The following DOCK10 variants were observed in gnomAD, a reference collection of about 807,000 sequenced individuals.
The protein encoded by DOCK10 is dedicator of cytokinesis protein 10.
In DOCK10, 145 loss-of-function variants were observed where a neutral mutation model predicts 280.1. The ratio of observed to expected loss-of-function variants is 0.52; its 90% CI spans 0.45 to 0.59. DOCK10 has a LOEUF of 0.59. DOCK10 is among the 20% of genes least tolerant of loss of function. The pLI is 0.00. For synonymous variants in DOCK10, 915 were observed against 942.2 expected, an observed-to-expected ratio of 0.97 and a Z score of 0.53; for missense variants, 2,368 against 2,651.7, an observed-to-expected ratio of 0.89 and a Z score of 2.35.
Position 224,844,829 on chromosome 2 carries a change from C to T in DOCK10, c.2492G>A (p.Ser831Asn). The T allele has an allele frequency of 6.2e-7, 1 of 1,606,700 alleles. No individual in the cohort carries two copies. Among genetic ancestry groups the T allele is most frequent in the South Asian group, 1.1e-5 (1 of 89,430 alleles). The change falls in exon 22 of 56, where the codon AGT becomes AAT. Residue 831 changes from serine to asparagine, a missense_variant. This residue lies in a region of DOCK10 where 1,209 missense variants were observed against 1,250.9 expected (regional missense o/e 0.97). Coordinates refer to ENST00000258390, the MANE Select transcript of DOCK10 (RefSeq NM_014689.3). Reference sequence around the variant, plus strand: ...GCCACCATCAACCCATTTAATGTCACTCCCACCATGCTGCAAAATAAAGTT... The same window carrying T: ...GCCACCATCAACCCATTTAATGTCATTCCCACCATGCTGCAAAATAAAGTT... ...QDSASGKHGG[S>N]DIKWVDGGKP...
chr2:224,845,255 G>A lies in DOCK10; in HGVS notation c.2429C>T (p.Ala810Val). 1 of 1,586,796 alleles carries A rather than the reference G, an allele frequency of 6.3e-7. No homozygotes were observed. The highest frequency in any genetic ancestry group is 8.6e-7 in the Non-Finnish European group (1 of 1,164,858). Reference sequence around the variant, plus strand: ...TAAATAATTAGGAGGCAGACTTGTTGCTATTGGGATGTTGTACTCTTGAGA... The same window carrying A: ...TAAATAATTAGGAGGCAGACTTGTTACTATTGGGATGTTGTACTCTTGAGA... ...IASQEYNIPI[A>V]TSLPPNYLSF... Residue 810 changes from alanine (A) to valine (V), a missense_variant, in exon 21 of 56, where the codon GCA (alanine) becomes GTA (valine). Ala to Val is a moderately conservative substitution (Grantham distance 64). Coordinates refer to ENST00000258390, the MANE Select transcript of DOCK10 (RefSeq NM_014689.3).
chr2:224,849,206 C>T (rs1030780004), intron 19 of DOCK10, among the ~76,000 whole-genome samples: 1 of 152,184 alleles, frequency 6.6e-6, no homozygotes, highest in African/African-American at 2.4e-5. Context: ...GATCTCCTGA[C>T]CTTGTGATCC....
At chr2:224,963,996 CTTTTT>C (rs66476455) in intron 1 of DOCK10, among the ~76,000 whole-genome samples, 1 of 122,788 alleles carries the variant, frequency 8.1e-6, no homozygotes, top group African/African-American at 3.0e-5. Flanking sequence ...GTCTAAAATT[CTTTTT>C]TTTTTTTTTT....
chr2:224,966,652 A>AG (rs1167342557), intron 1 of DOCK10, among the ~76,000 whole-genome samples: 5 of 152,192 alleles, frequency 3.3e-5, no homozygotes, highest in Non-Finnish European at 5.9e-5. Flanking sequence ...CTCAGTTGTT[A>AG]TCACACAGCA....
intron 45 of DOCK10, among the ~76,000 whole-genome samples, 176 bp downstream of exon 45, chr2:224,794,703 G>A (rs768093202): frequency 2.6e-4 from 39 of 152,082 alleles, no homozygotes; most frequent in African/African-American, 8.7e-4. Context: ...TTTACTTAGC[G>A]TTAGGTATCC....
chr2:224,811,856 G>A (rs1251086193), intron 31 of DOCK10, among the ~76,000 whole-genome samples: 1 of 151,672 alleles, frequency 6.6e-6, no homozygotes, highest in Admixed American at 6.6e-5. Context: ...TCTCTGTTTT[G>A]GTACCAGTAC....
chr2:225,005,384 A>C (rs1311469023), intron 1 of DOCK10, among the ~76,000 whole-genome samples: 2 of 152,238 alleles, frequency 1.3e-5, no homozygotes, highest in African/African-American at 2.4e-5. Context: ...AAATATGTAC[A>C]GTTTTTGTAA....
rs62188026 is a variant in DOCK10 at position 225,018,204 on chromosome 2, A to T, written c.123+24048T>A. Among the ~76,000 whole-genome samples the T allele has an allele frequency of 5.7e-3, 873 of 152,236 alleles. 3 individuals are homozygous for T. The highest frequency in any genetic ancestry group is 7.9e-3 in the Non-Finnish European group (535 of 68,014). ...AAGCTTTATTATCAACCATGTCTGT[A>T]GTCTCCTGTATTCTACTCTGTGTAT... On this transcript the variant is annotated intron_variant, in intron 1 of 55. Transcript: ENST00000258390.
chr2:224,889,169 T>C (rs1290409774), intron 4 of DOCK10, among the ~76,000 whole-genome samples: 3 of 152,254 alleles, frequency 2.0e-5, no homozygotes, highest in African/African-American at 4.8e-5. Context: ...GGTATTCACA[T>C]CAGAAATTAT....
intron 27 of DOCK10, among the ~76,000 whole-genome samples, chr2:224,825,788 G>C (rs1343891062): frequency 6.6e-6 from 1 of 152,166 alleles, no homozygotes; most frequent in Non-Finnish European, 1.5e-5. Context: ...TCCTGCACTG[G>C]AGATTGTGAA....
intron 1 of DOCK10, among the ~76,000 whole-genome samples, chr2:224,972,230 C>T (rs1404949135): frequency 6.6e-6 from 1 of 152,182 alleles, no homozygotes; most frequent in Non-Finnish European, 1.5e-5. Flanking sequence ...TCCATGTTCA[C>T]TTCCTCCAAT....
intron 4 of DOCK10, among the ~76,000 whole-genome samples, chr2:224,892,282 C>T (rs1272889102): frequency 4.6e-5 from 7 of 150,850 alleles, no homozygotes; most frequent in Non-Finnish European, 8.9e-5. Context: ...ACCTGTAATC[C>T]CACCTAATTG....
chr2:224,875,428 A>C (rs558042374), intron 8 of DOCK10, among the ~76,000 whole-genome samples: 3 of 152,262 alleles, frequency 2.0e-5, no homozygotes, highest in African/African-American at 7.2e-5. Context: ...CTTGCCTTCT[A>C]TGTAGCTACA....
At chr2:224,903,863 C>T (rs1374353945) in intron 3 of DOCK10, among the ~76,000 whole-genome samples, 1 of 152,136 alleles carries the variant, frequency 6.6e-6, no homozygotes, top group Non-Finnish European at 1.5e-5. Context: ...GGAAACAAGA[C>T]TATTATTCTA....
intron 1 of DOCK10, among the ~76,000 whole-genome samples, chr2:224,948,012 G>A (rs1703525192): frequency 6.6e-6 from 1 of 152,134 alleles, no homozygotes; most frequent in Non-Finnish European, 1.5e-5. Flanking sequence ...ATTAGCTATT[G>A]ATAAAAGCCA....
intron 50 of DOCK10, among the ~76,000 whole-genome samples, chr2:224,782,011 A>G (rs1479685708): frequency 1.3e-5 from 2 of 152,220 alleles, no homozygotes; most frequent in African/African-American, 2.4e-5. Flanking sequence ...ACAGGCCAGA[A>G]AATGTCAATA....
At chr2:224,802,568 GGTAGTTAAAGGACCTCT>G (rs367694909) in intron 39 of DOCK10, among the ~76,000 whole-genome samples, 6 of 152,230 alleles carry the variant, frequency 3.9e-5, no homozygotes, top group African/African-American at 1.4e-4. Context: ...GTGGGAGGTA[GGTAGTTAAAGGACCTCT>G]GTGCCTCTGT....
At chr2:224,979,396 A>G (rs530811751) in intron 1 of DOCK10, among the ~76,000 whole-genome samples, 90 of 152,344 alleles carry the variant, frequency 5.9e-4, no homozygotes, top group African/African-American at 2.0e-3. Flanking sequence ...TTCTGGCTCC[A>G]TGGCCCAGGC....
chr2:225,023,685 C>T (rs1342311146), intron 1 of DOCK10, among the ~76,000 whole-genome samples: 1 of 152,104 alleles, frequency 6.6e-6, no homozygotes, highest in African/African-American at 2.4e-5. Flanking sequence ...TAGAAAAGTC[C>T]ATGCACCTGC....
Sources: gnomAD v4.1 joint callset for allele counts (sites outside exome capture counted in the v4.1 genomes callset) on GRCh38, gnomAD v4.1.1 for gene constraint, gnomAD v4.1.1 regional missense constraint, MANE v1.5 for transcripts, NCBI Gene and HGNC (gene_info 2026-07-23, HGNC 2026-07-21) for gene names.